SEC61A2: variants seen among roughly 807,000 people sequenced by gnomAD.
SEC61A2 encodes the protein protein transport protein Sec61 subunit alpha isoform 2.
A neutral mutation model predicts 59.9 loss-of-function variants in SEC61A2; 28 were observed. The ratio of observed to expected loss-of-function variants is 0.47; its 90% confidence interval spans 0.35 to 0.64. The LOEUF is 0.64. SEC61A2 is among the 30% of genes least tolerant of loss of function. The pLI is 0.01. For synonymous variants in SEC61A2, 202 were observed against 214.4 expected (o/e 0.94, Z 0.50); for missense variants, 340 against 585.9 (o/e 0.58, Z 4.33).
In SEC61A2 at chr10:12,155,146, C is replaced by T. The variant is rs563746727; in HGVS notation, c.463-632C>T. Among the ~76,000 whole-genome samples the T allele has an allele frequency of 3.9e-4, 60 of 152,274 alleles. No individual in the cohort carries two copies. The highest frequency in any genetic ancestry group is 1.1e-3 in the African/African-American group (44 of 41,556). ...AAAAACAATATGAGCTTAACCTTAA[C>T]CGTCTTCAAATTTACATTCAATCTT... On this transcript the variant is annotated intron_variant, in intron 6 of 11. Coordinates refer to ENST00000298428, the MANE Select transcript of SEC61A2 (RefSeq NM_018144.4). The surrounding 1 kb of genome is among the most constrained non-coding windows in gnomAD (Gnocchi z 4.3).
chr10:12,141,415 G>T (rs561277902), intron 3 of SEC61A2, among the ~76,000 whole-genome samples: 1 of 152,144 alleles, frequency 6.6e-6, no homozygotes, highest in African/African-American at 2.4e-5. Flanking sequence ...AAATGTCTTT[G>T]TCTAATCCCC....
intron 1 of SEC61A2, among the ~76,000 whole-genome samples, chr10:12,132,587 C>T (rs1489579153): frequency 1.3e-5 from 2 of 149,734 alleles, no homozygotes; most frequent in East Asian, 3.9e-4. Flanking sequence ...GAACTGCAGC[C>T]TGGGCAACAC....
rs760494694 is a variant in SEC61A2 at position 12,157,941 on chromosome 10, C to G, written c.811C>G (p.Arg271Gly). Residue 271 changes from arginine to glycine, a missense_variant, in exon 9 of 12, where the codon CGT becomes GGT. Coordinates refer to ENST00000298428, the MANE Select transcript of SEC61A2 (RefSeq NM_018144.4). ...FRVDLPIKSA[R>G]YRGQYSSYPI... is the part of the protein sequence containing the mutation. ...CGTTGATCTGCCCATTAAGTCGGCCCGTTACCGAGGACAGTACAGCAGCTA... is the reference window on the plus strand; with the variant it reads ...CGTTGATCTGCCCATTAAGTCGGCCGGTTACCGAGGACAGTACAGCAGCTA... 3 of 1,614,092 alleles carry G rather than the reference C, an allele frequency of 1.9e-6. No individual in the cohort carries two copies. Among genetic ancestry groups the G allele is most frequent in the South Asian group, 2.2e-5 (2 of 91,080 alleles).
At chr10:12,132,993 A>C (rs1364031877) in intron 1 of SEC61A2, among the ~76,000 whole-genome samples, 1 of 152,216 alleles carries the variant, frequency 6.6e-6, no homozygotes, top group Non-Finnish European at 1.5e-5. Flanking sequence ...AAGTTCTGGA[A>C]AAAGGTTGCT....
At chr10:12,151,827 G>T (rs1834282448) in intron 6 of SEC61A2, among the ~76,000 whole-genome samples, 1 of 151,358 alleles carries the variant, frequency 6.6e-6, no homozygotes, top group Non-Finnish European at 1.5e-5. Context: ...TGCAATCTCA[G>T]CTCGGCACAA....
chr10:12,157,497 G>A (rs1023583323), intron 8 of SEC61A2, among the ~76,000 whole-genome samples: 52 of 128,884 alleles, frequency 4.0e-4, no homozygotes, highest in Non-Finnish European at 7.2e-4. Flanking sequence ...CACCACGCCC[G>A]GCTAATTTTT....
Position 12,156,626 on chromosome 10 carries a change from TC to T in SEC61A2, c.617-280del, listed in dbSNP as rs1834401390. Among the ~76,000 whole-genome samples the T allele has an allele frequency of 6.6e-6, 1 of 152,208 alleles. No individual in the cohort carries two copies. Among genetic ancestry groups the T allele is most frequent in the Non-Finnish European group, 1.5e-5 (1 of 68,042 alleles). ...CCCTGAAGTAGAGGAGAGGCAAATC[TC>T]TATGAATGAAATTTTGCTTTGGTAA... On this transcript the variant is annotated intron_variant, in intron 7 of 11. Coordinates refer to ENST00000298428, the MANE Select transcript of SEC61A2 (RefSeq NM_018144.4). The surrounding 1 kb of genome is among the most constrained non-coding windows in gnomAD (Gnocchi z 5.2).
chr10:12,167,884 T>G, downstream of SEC61A2: 7 of 1,595,514 alleles, frequency 4.4e-6, no homozygotes, highest in Non-Finnish European at 5.1e-6. Context: ...AATCAGTGTT[T>G]GCGCAGCAGG....
At chr10:12,157,616 T>C (rs10430800) in intron 8 of SEC61A2, among the ~76,000 whole-genome samples, 151,201 of 151,680 alleles carry the variant, frequency 1, 75,362 homozygotes, top group Middle Eastern at 1. Context: ...GATTCTCCTG[T>C]CTCAGCCTCC....
At chr10:12,133,204 A>T (rs1464496763) in intron 1 of SEC61A2, 37 bp from the exon 2 acceptor site, 2 of 1,048,440 alleles carry the variant, frequency 1.9e-6, no homozygotes, top group Non-Finnish European at 1.4e-6. Context: ...TTTTAACTTC[A>T]TAATAATAGG....
At chr10:12,139,805 A>T (rs1361022311) in intron 3 of SEC61A2, among the ~76,000 whole-genome samples, 1 of 150,100 alleles carries the variant, frequency 6.7e-6, no homozygotes, top group Non-Finnish European at 1.5e-5. Flanking sequence ...AATAAAAATA[A>T]ATAAAAATAC....
At chr10:12,135,070 C>A (rs752123431) in intron 2 of SEC61A2, among the ~76,000 whole-genome samples, 2 of 148,310 alleles carry the variant, frequency 1.3e-5, no homozygotes, top group Non-Finnish European at 3.0e-5. Flanking sequence ...CCAAACACCA[C>A]ATGTTCTCAC....
Position 12,156,802 on chromosome 10 carries a change from G to C in SEC61A2, c.617-105G>C. On this transcript the variant is annotated intron_variant, in intron 7 of 11. Transcript: ENST00000298428. The surrounding 1 kb of genome is among the most constrained non-coding windows in gnomAD (Gnocchi z 5.2). ...AAAGCAAACATTGGCGAATTCTTTT[G>C]ACCCATATTTTCTGCTGTATACTGG... The C allele has an allele frequency of 4.6e-6, 5 of 1,085,298 alleles. No individual in the cohort carries two copies. Among genetic ancestry groups the C allele is most frequent in the Non-Finnish European group, 6.8e-6 (5 of 739,220 alleles). The allele number at this position is 1,085,298 out of a possible 1,614,324, so 67.2% of individuals were successfully genotyped here.
At position 12,153,245 on chromosome 10, in the gene SEC61A2, T is replaced by C. The variant is rs1404143947; in HGVS notation, c.463-2533T>C. Among the ~76,000 whole-genome samples, 1 of 152,158 alleles carries C rather than the reference T, an allele frequency of 6.6e-6. No individual in the cohort carries two copies. The highest frequency in any genetic ancestry group is 1.5e-5 in the Non-Finnish European group (1 of 68,034). On this transcript the variant is annotated intron_variant, in intron 6 of 11. Transcript: ENST00000298428. This position sits in a 1 kb window ranked among gnomAD's most constrained non-coding sequence, Gnocchi z 5.2. ...GTTTCTCTTCGTATGCTTTAGGCAT[T>C]GTTGAGGTTATGGACAGGCCAATTG...
chr10:12,133,349 G>C, intron 2 of SEC61A2, 41 bp downstream of exon 2: 1 of 1,040,292 alleles, frequency 9.6e-7, no homozygotes, highest in Non-Finnish European at 1.5e-6. Context: ...TAGCTCAAGG[G>C]CTTGTTCTAT....
downstream of SEC61A2, chr10:12,167,855 A>G: frequency 3.1e-6 from 5 of 1,608,938 alleles, no homozygotes; most frequent in Non-Finnish European, 2.5e-6. Flanking sequence ...CCGTTAAGGA[A>G]GGACAAAACA....
chr10:12,138,427 C>T (rs1267045611), intron 3 of SEC61A2, among the ~76,000 whole-genome samples: 1 of 152,126 alleles, frequency 6.6e-6, no homozygotes, highest in African/African-American at 2.4e-5. Flanking sequence ...TGTTTTTAGG[C>T]ATACATTTTG....
At position 12,154,356 on chromosome 10, in the gene SEC61A2, G is replaced by A. The variant is rs151096388; in HGVS notation, c.463-1422G>A. On this transcript the variant is annotated intron_variant, in intron 6 of 11. Transcript: ENST00000298428. This position sits in a 1 kb window ranked among gnomAD's most constrained non-coding sequence, Gnocchi z 5.2. ...CGATGGTCACTGTTCTGAACAGGGGGTGTGGAGAATTAGAGTTGTTTCAGA... is the reference window on the plus strand; with the variant it reads ...CGATGGTCACTGTTCTGAACAGGGGATGTGGAGAATTAGAGTTGTTTCAGA... 2.0e-5 allele frequency among the ~76,000 whole-genome samples: 3 copies of A among 152,284 alleles called. No homozygotes were observed. In the East Asian group the frequency reaches 5.8e-4, roughly 29 times the overall value.
chr10:12,166,670 G>C (rs919573302), downstream of SEC61A2: 1 of 489,940 alleles, frequency 2.0e-6, no homozygotes, highest in African/African-American at 2.0e-5. Flanking sequence ...CTTAGGGCTG[G>C]ATGAGAATCA....
Sources: allele counts gnomAD v4.1 joint callset (sites outside exome capture counted in the v4.1 genomes callset), GRCh38; gene constraint gnomAD v4.1.1; non-coding constraint Gnocchi (gnomAD v3.1); transcripts MANE v1.5; gene names NCBI Gene and HGNC (gene_info 2026-07-23, HGNC 2026-07-21).